Variants in HTT observed in about 807,000 individuals in gnomAD.
HTT encodes the protein huntingtin.
A neutral mutation model predicts 362.3 loss-of-function variants in HTT; 104 were observed. That is an observed-to-expected ratio of 0.29 (90% CI 0.24 to 0.34). HTT has a LOEUF of 0.34. HTT is among the 10% of genes least tolerant of loss of function. HTT has a pLI of 1.00. For missense variants in HTT, 3,301 were observed against 3,928.6 expected (o/e 0.84, Z 4.27); for synonymous variants, 1,577 against 1,548.7 (o/e 1.02, Z -0.43).
chr4:3,237,468 G>A (rs533585354), intron 64 of HTT, among the ~76,000 whole-genome samples: 25 of 152,246 alleles, frequency 1.6e-4, no homozygotes, highest in African/African-American at 5.5e-4. Context: ...ACAGGGAGGC[G>A]CCACGACCAG....
At chr4:3,129,627 G>A (rs1715703719) in intron 12 of HTT, 1 of 258,058 alleles carries the variant, frequency 3.9e-6, no homozygotes, top group African/African-American at 2.3e-5. Context: ...TGTTTGTGAA[G>A]ACAAATATTT....
intron 6 of HTT, 54 bp downstream of exon 6, chr4:3,107,477 G>C: frequency 6.3e-7 from 1 of 1,594,702 alleles, no homozygotes; most frequent in Admixed American, 1.7e-5. Context: ...GAGTGAGTCT[G>C]TGGAGGGTGA....
intron 40 of HTT, among the ~76,000 whole-genome samples, chr4:3,197,858 C>T (rs535571941): frequency 6.6e-6 from 1 of 152,302 alleles, no homozygotes; most frequent in African/African-American, 2.4e-5. Context: ...CCGGGTCTGT[C>T]CCTGCACGTG....
At chr4:3,157,251 A>G in intron 28 of HTT, 52 bp downstream of exon 28, 1 of 1,495,454 alleles carries the variant, frequency 6.7e-7, no homozygotes, top group Non-Finnish European at 9.2e-7. Flanking sequence ...ACTTACGTCT[A>G]ATGGATAGTT....
Position 3,173,102 on chromosome 4 carries a change from G to A in HTT, c.4137G>A (p.Val1379=). Reference sequence around the variant, plus strand: ...CTGACGCCAGCCTGAGGAACATGGTGCAGGCGGAGCAGGAGAACGACACCT... The same window carrying A: ...CTGACGCCAGCCTGAGGAACATGGTACAGGCGGAGCAGGAGAACGACACCT... ...ALADASLRNM[V]QAEQENDTSG... is the part of the protein sequence containing the mutation. Residue 1379 remains valine (V), a synonymous_variant, in exon 31 of 67, where the codon GTG becomes GTA. Coordinates refer to ENST00000355072, the MANE Select transcript of HTT (RefSeq NM_001388492.1). The A allele has an allele frequency of 6.2e-7, 1 of 1,614,076 alleles. No individual in the cohort carries two copies.
Position 3,206,739 on chromosome 4 carries a change from G to T in HTT, c.5898+64G>T. On this transcript the variant is annotated intron_variant, in intron 43 of 66. Transcript: ENST00000355072. This position sits in a 1 kb window ranked among gnomAD's most constrained non-coding sequence, Gnocchi z 4.6. ...TTCCCTGCCTTAAAAATGGAGTATT[G>T]AAATTTTTAACTTTAATTTCTGATT... 1 of 1,587,846 alleles carries T rather than the reference G, an allele frequency of 6.3e-7. No homozygotes were observed. Among genetic ancestry groups the T allele is most frequent in the Non-Finnish European group, 8.6e-7 (1 of 1,163,770 alleles).
chr4:3,217,053 A>C (rs1720440780), intron 51 of HTT, among the ~76,000 whole-genome samples: 1 of 152,224 alleles, frequency 6.6e-6, no homozygotes, highest in Admixed American at 6.5e-5. Context: ...TAATAAAGCC[A>C]ACTCGTTAGC....
chr4:3,120,539 C>T (rs1306635407), intron 8 of HTT, among the ~76,000 whole-genome samples: 2 of 152,200 alleles, frequency 1.3e-5, no homozygotes, highest in Non-Finnish European at 2.9e-5. Context: ...AAGTGAGCAG[C>T]AGGTGAGCTG....
In HTT at chr4:3,240,270, GC is replaced by G; in HGVS notation, c.*212del. On this transcript the variant is annotated 3_prime_UTR_variant, in exon 67 of 67. Transcript: ENST00000355072. ...AGGGAGTGTCTGCAGTCCTGGTGGG[GC>G]TGAGCCTGAGGCCTTCCAGAAAGCA... 1 of 596,330 alleles carries G rather than the reference GC, an allele frequency of 1.7e-6. No homozygotes were observed. Among genetic ancestry groups the G allele is most frequent in the Non-Finnish European group, 3.0e-6 (1 of 335,296 alleles). The allele number at this position is 596,330 out of a possible 1,614,324, so 36.9% of individuals were successfully genotyped here.
rs1381429067 is a variant in HTT at position 3,206,897 on chromosome 4, C to A, written c.5989C>A (p.Leu1997Met). 1.9e-6 allele frequency: 3 copies of A among 1,614,198 alleles called. No individual in the cohort carries two copies. The Admixed American group carries it at 5.0e-5, about 27-fold the overall frequency. The stretch of plus-strand genomic sequence containing the variant: ...GCTCACGCTGTATGTGGACAGGCTT[C>A]TGTGCACCCCTTTCCGTGTGCTGGC... ...AVLTLYVDRL[L>M]CTPFRVLARM... Residue 1997 changes from leucine to methionine, a missense_variant, in exon 44 of 67, where the codon CTG becomes ATG. This residue lies in a region of HTT where 2,316 missense variants were observed against 2,658.5 expected (regional missense o/e 0.87). Transcript: ENST00000355072. The surrounding 1 kb of genome is among the most constrained non-coding windows in gnomAD (Gnocchi z 4.6).
At chr4:3,108,432 T>C (rs560541154) in intron 6 of HTT, among the ~76,000 whole-genome samples, 23 of 152,374 alleles carry the variant, frequency 1.5e-4, no homozygotes, top group Non-Finnish European at 1.9e-4. Context: ...TTATTTTTAT[T>C]ACCATCTCTT....
chr4:3,113,576 T>G (rs1261441613), intron 6 of HTT, among the ~76,000 whole-genome samples: 3 of 152,192 alleles, frequency 2.0e-5, no homozygotes, highest in Non-Finnish European at 4.4e-5. Context: ...GTGATCTGCC[T>G]TCTTCAGCCT....
At chr4:3,129,770 G>A in intron 12 of HTT, 154 bp from the exon 13 acceptor site, 1 of 802,492 alleles carries the variant, frequency 1.2e-6, no homozygotes, top group Non-Finnish European at 2.0e-6. Context: ...CAGTTTCCAT[G>A]CGTGCATTTC....
intron 21 of HTT, among the ~76,000 whole-genome samples, chr4:3,137,429 G>C: frequency 6.6e-6 from 1 of 151,880 alleles, no homozygotes; most frequent in East Asian, 1.9e-4. Flanking sequence ...TTTTCGCCAG[G>C]CGCTCATGCC....
At chr4:3,236,112 A>G (rs1181536841) in intron 63 of HTT, 37 bp from the exon 64 acceptor site, 2 of 1,443,372 alleles carry the variant, frequency 1.4e-6, no homozygotes, top group Non-Finnish European at 2.0e-6. Context: ...ATTGGGTTGT[A>G]TAGAGGTAAC....
Position 3,187,687 on chromosome 4 carries a change from A to T in HTT, c.5026A>T (p.Ile1676Phe). ...VSTVQLWISG[I>F]LAILRVLISQ... ...CACTGTTCAACTGTGGATATCGGGA[A>T]TTCTGGCCATTTTGAGGGTTCTGAT... is the stretch of plus-strand genomic sequence containing the variant. The change falls in exon 39 of 67, where the codon ATT becomes TTT. Residue 1676 changes from isoleucine to phenylalanine, a missense_variant. By Grantham distance (21) the Ile-to-Phe change is conservative. Around this residue, in one of 4 missense-constraint regions of HTT, gnomAD observed 2,316 missense variants for 2,658.5 expected, o/e 0.87. Transcript: ENST00000355072. 1 of 1,614,088 alleles carries T rather than the reference A, an allele frequency of 6.2e-7. No individual in the cohort carries two copies. Among genetic ancestry groups the T allele is most frequent in the Non-Finnish European group, 8.5e-7 (1 of 1,179,958 alleles).
chr4:3,111,344 C>T (rs1714739526), intron 6 of HTT, among the ~76,000 whole-genome samples: 1 of 152,116 alleles, frequency 6.6e-6, no homozygotes, highest in Non-Finnish European at 1.5e-5. Flanking sequence ...CAGGTGTGCA[C>T]CACCATGCCC....
Position 3,131,663 on chromosome 4 carries a change from G to C in HTT, c.2124G>C (p.Arg708Ser). The change falls in exon 16 of 67, where the codon AGG becomes AGC. Residue 708 changes from arginine to serine, a missense_variant. Arg to Ser is a moderately radical substitution (Grantham distance 110). This residue lies in a region of HTT where 2,316 missense variants were observed against 2,658.5 expected (regional missense o/e 0.87). Transcript: ENST00000355072. ...KNVLVPDRDV[R>S]VSVKALALSC... ...TGCTGGTTCCGGACAGGGATGTGAG[G>C]GTCAGCGTGAAGGCCCTGGCCCTCA... 6.2e-7 allele frequency: 1 copy of C among 1,613,942 alleles called. No homozygotes were observed. The highest frequency in any genetic ancestry group is 8.5e-7 in the Non-Finnish European group (1 of 1,180,002).
At position 3,206,835 on chromosome 4, in the gene HTT, G is replaced by C; in HGVS notation, c.5927G>C (p.Cys1976Ser). The C allele has an allele frequency of 6.2e-7, 1 of 1,609,790 alleles. No homozygotes were observed. Among genetic ancestry groups the C allele is most frequent in the Non-Finnish European group, 8.5e-7 (1 of 1,176,978 alleles). Residue 1976 changes from cysteine (C) to serine (S), a missense_variant, in exon 44 of 67, where the codon TGC (cysteine) becomes TCC (serine). This residue lies in a region of HTT where 2,316 missense variants were observed against 2,658.5 expected (regional missense o/e 0.87). Coordinates refer to ENST00000355072, the MANE Select transcript of HTT (RefSeq NM_001388492.1). This position sits in a 1 kb window ranked among gnomAD's most constrained non-coding sequence, Gnocchi z 4.6. ...ACCATGCTGAAGAAAACTCTTCAGT[G>C]CTTGGAGGGGATCCATCTCAGCCAG... The part of the protein sequence containing the change: ...TPTMLKKTLQ[C>S]LEGIHLSQSG...
Sources: allele counts gnomAD v4.1 joint callset (sites outside exome capture counted in the v4.1 genomes callset), GRCh38; gene constraint gnomAD v4.1.1; regional missense constraint gnomAD v4.1.1; non-coding constraint Gnocchi (gnomAD v3.1); transcripts MANE v1.5; gene names NCBI Gene and HGNC (gene_info 2026-07-23, HGNC 2026-07-21).